BMPR2: variants seen among roughly 807,000 people sequenced by gnomAD.
BMPR2 encodes the protein bone morphogenetic protein receptor type 2.
Under a neutral mutation model 100.8 loss-of-function variants are expected in BMPR2, and 29 were observed. That is an observed-to-expected ratio of 0.29 (90% CI 0.21 to 0.39). The LOEUF is 0.39. Among genes scored for constraint, BMPR2 ranks in the 10% least tolerant of loss-of-function variants. BMPR2 has a pLI of 1.00. For synonymous variants in BMPR2, 382 were observed against 442.3 expected (o/e 0.86, Z 1.71); for missense variants, 1,011 against 1,274.5 (o/e 0.79, Z 3.15).
chr2:202,542,279 T>G (rs1349472451), intron 9 of BMPR2, 32 bp from the exon 10 acceptor site: 15 of 1,612,012 alleles, frequency 9.3e-6, no homozygotes, highest in Non-Finnish European at 1.2e-5. Context: ...GTTAGAAATT[T>G]TATTCTGTCA....
chr2:202,496,518 A>G lies in BMPR2; in HGVS notation c.419-17201A>G, dbSNP rs978281929. On this transcript the variant is annotated intron_variant, in intron 3 of 12. Transcript: ENST00000374580. ...AAAAATCAAAAGAACAAATTAAATA[A>G]TTGTTATGAAGTTGAACTTCTAAAA... Among the ~76,000 whole-genome samples, 5 of 150,870 alleles carry G rather than the reference A, an allele frequency of 3.3e-5. No individual in the cohort carries two copies. The East Asian group carries it at 5.8e-4, about 18-fold the overall frequency.
chr2:202,498,243 G>C (rs867933700), intron 3 of BMPR2, among the ~76,000 whole-genome samples: 1 of 152,188 alleles, frequency 6.6e-6, no homozygotes, highest in Non-Finnish European at 1.5e-5. Flanking sequence ...GGTCCTCCTT[G>C]TGGTCTAGGA....
At chr2:202,501,962 G>C (rs1030906527) in intron 3 of BMPR2, among the ~76,000 whole-genome samples, 37 of 152,214 alleles carry the variant, frequency 2.4e-4, no homozygotes, top group African/African-American at 8.4e-4. Context: ...AAGTTCATTT[G>C]TGGAGAATGG....
intron 7 of BMPR2, among the ~76,000 whole-genome samples, chr2:202,529,975 G>A (rs1285662361): frequency 6.6e-6 from 1 of 151,972 alleles, no homozygotes; most frequent in Non-Finnish European, 1.5e-5. Context: ...GTTTATATAA[G>A]ATTTCCTTAT....
chr2:202,536,854 G>T (rs62194102), intron 9 of BMPR2, among the ~76,000 whole-genome samples: 1 of 135,446 alleles, frequency 7.4e-6, no homozygotes, highest in East Asian at 2.2e-4. Context: ...TGGGCAACAA[G>T]AGTGAAACTC....
At chr2:202,407,509 ACGC>A (rs1690925641) in intron 1 of BMPR2, among the ~76,000 whole-genome samples, 1 of 150,542 alleles carries the variant, frequency 6.6e-6, no homozygotes, top group Non-Finnish European at 1.5e-5. Flanking sequence ...GTGGTCGCTC[ACGC>A]CTGTAATCCC....
At chr2:202,427,715 C>T (rs1574443200) in intron 1 of BMPR2, among the ~76,000 whole-genome samples, 1 of 152,214 alleles carries the variant, frequency 6.6e-6, no homozygotes, top group East Asian at 1.9e-4. Flanking sequence ...TTGTGGCTCA[C>T]GCCTGTAATC....
At chr2:202,533,633 G>A (rs953425993) in intron 9 of BMPR2, among the ~76,000 whole-genome samples, 1 of 152,078 alleles carries the variant, frequency 6.6e-6, no homozygotes, top group Admixed American at 6.5e-5. Context: ...GACCAGCCTG[G>A]CCAATATGGT....
At chr2:202,421,376 C>T (rs1691259061) in intron 1 of BMPR2, among the ~76,000 whole-genome samples, 1 of 149,728 alleles carries the variant, frequency 6.7e-6, no homozygotes. Context: ...GTTATCATCA[C>T]AGAAGGCTTT....
At chr2:202,483,674 A>G (rs1269421505) in intron 3 of BMPR2, among the ~76,000 whole-genome samples, 2 of 152,112 alleles carry the variant, frequency 1.3e-5, no homozygotes, top group East Asian at 1.9e-4. Flanking sequence ...GCTGGGATCT[A>G]TTATAGGCAT....
intron 1 of BMPR2, among the ~76,000 whole-genome samples, chr2:202,461,164 A>G (rs910801739): frequency 1.3e-5 from 2 of 152,126 alleles, no homozygotes; most frequent in African/African-American, 4.8e-5. Flanking sequence ...TTTTATATTG[A>G]AAGTATTGAT....
At chr2:202,542,286 G>A (rs1458828634) in intron 9 of BMPR2, 25 bp from the exon 10 acceptor site, 9 of 1,612,796 alleles carry the variant, frequency 5.6e-6, no homozygotes, top group Non-Finnish European at 6.8e-6. Flanking sequence ...ATTTTATTCT[G>A]TCATTCTTTT....
intron 1 of BMPR2, among the ~76,000 whole-genome samples, chr2:202,425,046 C>T (rs1310882563): frequency 6.6e-6 from 1 of 152,018 alleles, no homozygotes; most frequent in African/African-American, 2.4e-5. Flanking sequence ...GCAACCTCCA[C>T]CTCCTGGGTT....
At chr2:202,390,894 T>C (rs1690533175) in intron 1 of BMPR2, among the ~76,000 whole-genome samples, 1 of 152,052 alleles carries the variant, frequency 6.6e-6, no homozygotes, top group African/African-American at 2.4e-5. Context: ...ACTGCTTTTT[T>C]TTTCCTTTAT....
Position 202,513,776 on chromosome 2 carries a change from C to G in BMPR2, c.476C>G (p.Ser159Cys). Residue 159 changes from serine to cysteine, a missense_variant, in exon 4 of 13, where the codon TCT becomes TGT. Physicochemically the swap from Ser to Cys is moderately radical, Grantham distance 112. Transcript: ENST00000374580. ...ATAATCATTGCTTTGGCATCAGTCT[C>G]TGTATTAGCTGTTTTGATAGTTGCC... The part of the protein sequence containing the change: ...ETIIIALASV[S>C]VLAVLIVALC... 1 of 1,613,196 alleles carries G rather than the reference C, an allele frequency of 6.2e-7. No homozygotes were observed. Among genetic ancestry groups the G allele is most frequent in the African/African-American group, 1.3e-5 (1 of 75,014 alleles).
chr2:202,460,090 A>G (rs1390244636), intron 1 of BMPR2, among the ~76,000 whole-genome samples: 1 of 152,238 alleles, frequency 6.6e-6, no homozygotes, highest in Non-Finnish European at 1.5e-5. Context: ...AATGGCTATT[A>G]TCAAAAAGTC....
intron 1 of BMPR2, among the ~76,000 whole-genome samples, chr2:202,421,850 A>G (rs571844797): frequency 1.3e-5 from 2 of 152,270 alleles, no homozygotes; most frequent in African/African-American, 2.4e-5. Context: ...GGAGTACTCA[A>G]GAAATTGATA....
intron 1 of BMPR2, among the ~76,000 whole-genome samples, chr2:202,404,928 A>G (rs147827532): frequency 2.6e-5 from 4 of 151,900 alleles, no homozygotes; most frequent in Admixed American, 2.0e-4. Flanking sequence ...GGCTCAAGCA[A>G]TCCTCCCACC....
At chr2:202,388,271 C>A (rs2105900556) in intron 1 of BMPR2, among the ~76,000 whole-genome samples, 1 of 151,598 alleles carries the variant, frequency 6.6e-6, no homozygotes, top group Admixed American at 6.6e-5. Flanking sequence ...GTGGTGCATG[C>A]CTGTAGTCCC....
Sources: allele counts gnomAD v4.1 joint callset (sites outside exome capture counted in the v4.1 genomes callset), GRCh38; gene constraint gnomAD v4.1.1; transcripts MANE v1.5; gene names NCBI Gene and HGNC (gene_info 2026-07-23, HGNC 2026-07-21).